Variants in MYO9A observed in about 807,000 individuals in gnomAD.
The protein encoded by MYO9A is myosin IXA.
In MYO9A, 103 loss-of-function variants were observed where a neutral mutation model predicts 293.3. The observed-to-expected ratio is 0.35, with a 90% CI of 0.30 to 0.41. The LOEUF is 0.41. MYO9A is among the 10% of genes least tolerant of loss of function. The probability of loss-of-function intolerance (pLI) is 1.00; values close to 1 mark genes in which losing one functional copy is unlikely to be tolerated. For missense variants in MYO9A, 2,685 were observed against 3,033.0 expected (o/e 0.89, Z 2.69); for synonymous variants, 1,001 against 1,035.7 (o/e 0.97, Z 0.64).
intron 1 of MYO9A, among the ~76,000 whole-genome samples, chr15:72,093,550 T>A (rs1205811359): frequency 6.7e-6 from 1 of 149,468 alleles, no homozygotes; most frequent in Non-Finnish European, 1.5e-5. Context: ...TATAAAGAAT[T>A]AAAATAATTT....
At chr15:71,990,937 A>G (rs2076528630) in intron 11 of MYO9A, among the ~76,000 whole-genome samples, 166 bp downstream of exon 11, 1 of 152,206 alleles carries the variant, frequency 6.6e-6, no homozygotes, top group Non-Finnish European at 1.5e-5. Flanking sequence ...TTTGTTCCCA[A>G]GCCAATTTAC....
At chr15:71,966,269 T>TGTGTGC in intron 13 of MYO9A, among the ~76,000 whole-genome samples, 1 of 135,178 alleles carries the variant, frequency 7.4e-6, no homozygotes, top group Non-Finnish European at 1.6e-5. Flanking sequence ...CAGGCAAGTG[T>TGTGTGC]GTGTGTGTGT....
intron 1 of MYO9A, among the ~76,000 whole-genome samples, chr15:72,048,549 G>C (rs2078461107): frequency 6.6e-6 from 1 of 152,138 alleles, no homozygotes; most frequent in Admixed American, 6.5e-5. Flanking sequence ...CTATGGATCT[G>C]TACCTATCAA....
intron 9 of MYO9A, among the ~76,000 whole-genome samples, chr15:71,998,645 G>A (rs1171826531): frequency 1.4e-5 from 2 of 143,330 alleles, no homozygotes; most frequent in Admixed American, 7.4e-5. Context: ...AGTTACATAT[G>A]TATACATGTG....
intron 41 of MYO9A, among the ~76,000 whole-genome samples, chr15:71,827,461 T>C (rs185447764): frequency 2.2e-4 from 34 of 152,278 alleles, no homozygotes; most frequent in African/African-American, 7.0e-4. Context: ...ACATATATTG[T>C]GATTATTGGC....
At chr15:72,042,744 A>C (rs774234602) in intron 2 of MYO9A, among the ~76,000 whole-genome samples, 16 of 151,904 alleles carry the variant, frequency 1.1e-4, no homozygotes, top group Non-Finnish European at 2.4e-4. Flanking sequence ...TATATGAAAA[A>C]TCCAATGGAA....
intron 18 of MYO9A, among the ~76,000 whole-genome samples, chr15:71,917,242 C>T (rs1336204735): frequency 6.6e-6 from 1 of 152,056 alleles, no homozygotes; most frequent in African/African-American, 2.4e-5. Context: ...GGGACATACA[C>T]AAAAACCAAG....
intron 1 of MYO9A, chr15:72,117,146 C>A (rs1449218025): frequency 6.6e-6 from 1 of 152,252 alleles, no homozygotes; most frequent in Non-Finnish European, 1.5e-5. Flanking sequence ...TCTAGAGGGA[C>A]TGACACCACA....
At chr15:71,865,828 C>G (rs1280887431) in intron 32 of MYO9A, among the ~76,000 whole-genome samples, 6 of 152,118 alleles carry the variant, frequency 3.9e-5, no homozygotes, top group Non-Finnish European at 8.8e-5. Flanking sequence ...TGAATTTTAT[C>G]TCAGTTTTAA....
chr15:72,049,141 C>A (rs2078479011), intron 1 of MYO9A, among the ~76,000 whole-genome samples: 1 of 152,098 alleles, frequency 6.6e-6, no homozygotes, highest in South Asian at 2.1e-4. Flanking sequence ...GATGGAACTT[C>A]TTTTGTTTTT....
At chr15:72,070,646 C>T (rs1023270173) in intron 1 of MYO9A, among the ~76,000 whole-genome samples, 13 of 151,890 alleles carry the variant, frequency 8.6e-5, no homozygotes, top group African/African-American at 2.7e-4. Flanking sequence ...ACCAAAACCG[C>T]GCCACTGCAC....
At chr15:72,088,769 G>A (rs924695189) in intron 1 of MYO9A, among the ~76,000 whole-genome samples, 5 of 152,110 alleles carry the variant, frequency 3.3e-5, no homozygotes, top group Admixed American at 6.5e-5. Flanking sequence ...TGACAGAGAC[G>A]TTCCCTGAGT....
chr15:71,879,678 A>G (rs772180444), intron 30 of MYO9A, 43 bp downstream of exon 30: 4 of 1,413,970 alleles, frequency 2.8e-6, no homozygotes, highest in South Asian at 1.2e-5. Context: ...CAAATTTTTC[A>G]TATGTTGAAC....
chr15:71,990,754 CAAA>C (rs11422716), intron 11 of MYO9A, among the ~76,000 whole-genome samples: 6 of 129,344 alleles, frequency 4.6e-5, no homozygotes, highest in Non-Finnish European at 3.2e-5. Flanking sequence ...GAGACTCAGT[CAAA>C]AAAAAAAAAA....
At chr15:71,871,241 T>C (rs1387941466) in intron 32 of MYO9A, among the ~76,000 whole-genome samples, 2 of 151,156 alleles carry the variant, frequency 1.3e-5, no homozygotes, top group African/African-American at 4.9e-5. Flanking sequence ...CTAGGCATGA[T>C]AGGTGTGCGT....
At chr15:72,009,851 A>ATTT (rs1249718166) in intron 7 of MYO9A, among the ~76,000 whole-genome samples, 1 of 152,144 alleles carries the variant, frequency 6.6e-6, no homozygotes, top group Non-Finnish European at 1.5e-5. Flanking sequence ...TTCAAATATA[A>ATTT]TTTATCTCAT....
intron 1 of MYO9A, among the ~76,000 whole-genome samples, chr15:72,075,546 G>C (rs2079323682): frequency 6.6e-6 from 1 of 151,944 alleles, no homozygotes; most frequent in Non-Finnish European, 1.5e-5. Flanking sequence ...AAAAATATTT[G>C]AAAAGTTCAC....
At chr15:71,945,547 T>G (rs1023482347) in intron 15 of MYO9A, among the ~76,000 whole-genome samples, 7 of 152,128 alleles carry the variant, frequency 4.6e-5, no homozygotes, top group African/African-American at 1.7e-4. Flanking sequence ...TGTAAATCAT[T>G]TTCTTAGTGC....
rs1447560850 is a variant in MYO9A, at chr15:72,055,486, A to G, written c.-71-8852T>C. On this transcript the variant is annotated intron_variant, in intron 1 of 41. Coordinates refer to ENST00000356056, the MANE Select transcript of MYO9A (RefSeq NM_006901.4). Reference sequence around the variant, plus strand: ...AAAGATGAATAAATGGGACTTAATTAAAGAGCCTTTGCACAGAAAAAGAAA... The same window carrying G: ...AAAGATGAATAAATGGGACTTAATTGAAGAGCCTTTGCACAGAAAAAGAAA... Among the ~76,000 whole-genome samples, 5 of 152,340 alleles carry G rather than the reference A, an allele frequency of 3.3e-5. No homozygotes were observed. The East Asian group carries it at 9.6e-4, about 29-fold the overall frequency.
Sources: gnomAD v4.1 joint callset for allele counts (sites outside exome capture counted in the v4.1 genomes callset) on GRCh38, gnomAD v4.1.1 for gene constraint, MANE v1.5 for transcripts, NCBI Gene and HGNC (gene_info 2026-07-23, HGNC 2026-07-21) for gene names.